The following XPO6 variants were observed in gnomAD, a reference collection of about 807,000 sequenced individuals.
The protein encoded by XPO6 is exportin 6.
Under a neutral mutation model 130.0 loss-of-function variants are expected in XPO6, and 3 were observed. The ratio of observed to expected loss-of-function variants is 0.02; its 90% CI spans 0.01 to 0.06. The LOEUF is 0.06. Ranked by LOEUF, XPO6 falls within the 10% of genes least tolerant of loss-of-function variation. XPO6 has a pLI of 1.00. For synonymous variants in XPO6, 524 were observed against 548.9 expected, an observed-to-expected ratio of 0.95 and a Z score of 0.63; for missense variants, 970 against 1,393.0, an observed-to-expected ratio of 0.70 and a Z score of 4.83.
At chr16:28,151,471 T>C (rs981631237) in intron 8 of XPO6, among the ~76,000 whole-genome samples, 8 of 152,114 alleles carry the variant, frequency 5.3e-5, no homozygotes, top group African/African-American at 1.9e-4. Context: ...AAAACATACA[T>C]TATGTGCTTT....
chr16:28,155,186 G>C (rs2043164210), intron 7 of XPO6, among the ~76,000 whole-genome samples: 1 of 152,104 alleles, frequency 6.6e-6, no homozygotes, highest in South Asian at 2.1e-4. Flanking sequence ...ATTCTATATA[G>C]CTTAATAACA....
At chr16:28,167,002 C>T in intron 5 of XPO6, 3 of 580,336 alleles carry the variant, frequency 5.2e-6, no homozygotes, top group Non-Finnish European at 6.5e-6. Context: ...TTCACTATTA[C>T]TTCCATCCTC....
Position 28,132,394 on chromosome 16 carries a change from G to T in XPO6, c.1546C>A (p.Leu516Ile). The T allele has an allele frequency of 6.2e-7, 1 of 1,601,206 alleles. No individual in the cohort carries two copies. Among genetic ancestry groups the T allele is most frequent in the South Asian group, 1.1e-5 (1 of 88,492 alleles). ...AAATAAACTTCTAAATTGTCCTGAAGAACAGGGAACTGAAAACAAAGAAAC... is the reference window on the plus strand; with the variant it reads ...AAATAAACTTCTAAATTGTCCTGAATAACAGGGAACTGAAAACAAAGAAAC... ...THAFSTLFPV[L>I]QDNLEVYLGL... The change falls in exon 12 of 24, where the codon CTT becomes ATT. Residue 516 changes from leucine to isoleucine, a missense_variant. By Grantham distance (5) the Leu-to-Ile change is conservative (BLOSUM62 2). Coordinates refer to ENST00000304658, the MANE Select transcript of XPO6 (RefSeq NM_015171.4). The surrounding 1 kb of genome is among the most constrained non-coding windows in gnomAD (Gnocchi z 4.0).
At chr16:28,181,061 A>C in intron 1 of XPO6, 30 bp from the exon 2 acceptor site, 1 of 1,538,952 alleles carries the variant, frequency 6.5e-7, no homozygotes, top group South Asian at 1.1e-5. Flanking sequence ...AAAAATCAAT[A>C]AGCTGCATCT....
Position 28,107,505 on chromosome 16 carries a change from T to C in XPO6, c.2497+17A>G. On this transcript the variant is annotated intron_variant, in intron 18 of 23. Transcript: ENST00000304658. ...GTTAGCACCACCCACCAGTGGGGCC[T>C]CTGGGCCAGCTCCTACCTGACTGAT... The C allele has an allele frequency of 1.9e-6, 3 of 1,613,708 alleles. No individual in the cohort carries two copies. Among genetic ancestry groups the C allele is most frequent in the Non-Finnish European group, 2.5e-6 (3 of 1,179,720 alleles).
intron 7 of XPO6, 127 bp downstream of exon 7, chr16:28,155,947 T>C (rs1040265933): frequency 1.0e-5 from 15 of 1,447,372 alleles, no homozygotes; most frequent in South Asian, 1.5e-5. Flanking sequence ...CACACCTACC[T>C]TTCTGTTCCT....
intron 6 of XPO6, 135 bp from the exon 7 acceptor site, chr16:28,156,662 A>C (rs2043189367): frequency 3.8e-6 from 2 of 522,314 alleles, no homozygotes; most frequent in Non-Finnish European, 6.0e-6. Flanking sequence ...GAAATAAAAA[A>C]ATAAAATCTA....
intron 9 of XPO6, among the ~76,000 whole-genome samples, chr16:28,145,484 T>C (rs1469110): frequency 0.29 from 43,605 of 152,126 alleles, 6,362 homozygotes; most frequent in Middle Eastern, 0.33. Flanking sequence ...TCTCTGTTTT[T>C]TAAAAATACA....
chr16:28,184,648 T>C (rs1387744698), intron 1 of XPO6, among the ~76,000 whole-genome samples: 1 of 143,282 alleles, frequency 7.0e-6, no homozygotes, highest in African/African-American at 2.6e-5. Flanking sequence ...GACAGGCAAA[T>C]AATTAATTAT....
chr16:28,166,645 A>G, intron 5 of XPO6, 60 bp from the exon 6 acceptor site: 1 of 1,548,546 alleles, frequency 6.5e-7, no homozygotes, highest in Non-Finnish European at 8.7e-7. Flanking sequence ...TAAAAATCAT[A>G]TTTAGAGAAA....
chr16:28,135,228 A>C lies in XPO6; in HGVS notation c.1431T>G (p.Thr477=). 1 of 1,613,756 alleles carries C rather than the reference A, an allele frequency of 6.2e-7. No homozygotes were observed. Among genetic ancestry groups the C allele is most frequent in the Non-Finnish European group, 8.5e-7 (1 of 1,179,772 alleles). The stretch of plus-strand genomic sequence containing the variant: ...GCATGCCGCTTACATCGTCATCCAG[A>C]GTCTCATCATCCAACTCCTCCAGCT... ...QAQLEELDDE[T]LDDDQQTEWQ... Residue 477 remains threonine (T), a synonymous_variant, in exon 10 of 24, where the codon ACT becomes ACG. Coordinates refer to ENST00000304658, the MANE Select transcript of XPO6 (RefSeq NM_015171.4).
chr16:28,188,179 C>A (rs2043725228), intron 1 of XPO6, among the ~76,000 whole-genome samples: 1 of 152,206 alleles, frequency 6.6e-6, no homozygotes, highest in African/African-American at 2.4e-5. Flanking sequence ...CAGGTTCAAG[C>A]AATCCTCCCA....
intron 13 of XPO6, among the ~76,000 whole-genome samples, chr16:28,124,316 C>T (rs936295803): frequency 1.2e-4 from 18 of 152,164 alleles, no homozygotes; most frequent in African/African-American, 2.7e-4. Context: ...CCTCAGCCTC[C>T]CAAAGTGTTG....
At chr16:28,156,605 A>AAAT (rs771266409) in intron 6 of XPO6, 78 bp from the exon 7 acceptor site, 15 of 877,608 alleles carry the variant, frequency 1.7e-5, no homozygotes, top group South Asian at 4.4e-5. Context: ...CCTTCAAAAA[A>AAAT]ATATATATAT....
intron 8 of XPO6, 124 bp downstream of exon 8, chr16:28,152,535 C>CT: frequency 8.3e-7 from 1 of 1,203,938 alleles, no homozygotes; most frequent in Non-Finnish European, 1.1e-6. Context: ...ACCTGTGACT[C>CT]TTCACATAAT....
chr16:28,137,945 G>C (rs180898759), intron 9 of XPO6, among the ~76,000 whole-genome samples: 124 of 152,152 alleles, frequency 8.1e-4, no homozygotes, highest in Non-Finnish European at 1.6e-3. Context: ...GCTCCCGACA[G>C]CTCGTTTCTT....
At chr16:28,117,022 G>A (rs374404915) in intron 15 of XPO6, 12 of 321,092 alleles carry the variant, frequency 3.7e-5, no homozygotes, top group Admixed American at 1.2e-4. Flanking sequence ...CTTACCGCGC[G>A]AAGGAAAATG....
chr16:28,168,571 G>A (rs1037135100), intron 5 of XPO6, among the ~76,000 whole-genome samples: 3 of 151,626 alleles, frequency 2.0e-5, no homozygotes, highest in East Asian at 3.9e-4. Flanking sequence ...GGGAAGGATG[G>A]GGGGACAAAT....
intron 15 of XPO6, among the ~76,000 whole-genome samples, chr16:28,115,130 T>A (rs2087022006): frequency 6.6e-6 from 1 of 152,162 alleles, no homozygotes; most frequent in Non-Finnish European, 1.5e-5. Flanking sequence ...TCTTCCAAAC[T>A]CCCATTAATG....
Sources: allele counts gnomAD v4.1 joint callset (sites outside exome capture counted in the v4.1 genomes callset), GRCh38; gene constraint gnomAD v4.1.1; non-coding constraint Gnocchi (gnomAD v3.1); transcripts MANE v1.5; gene names NCBI Gene and HGNC (gene_info 2026-07-23, HGNC 2026-07-21).